ZFPM2: variants seen among roughly 807,000 people sequenced by gnomAD.
The protein encoded by ZFPM2 is zinc finger protein, FOG family member 2.
In ZFPM2, 20 loss-of-function variants were observed where a neutral mutation model predicts 98.6. The observed-to-expected ratio is 0.20, with a 90% CI of 0.14 to 0.29. The LOEUF (loss-of-function observed/expected upper bound fraction) is 0.29. ZFPM2 is among the 10% of genes least tolerant of loss of function. The pLI, the probability that ZFPM2 is intolerant of heterozygous loss-of-function variation, is 1.00. For synonymous variants in ZFPM2, 518 were observed against 502.7 expected, an observed-to-expected ratio of 1.03 and a Z score of -0.41; for missense variants, 1,310 against 1,388.6, an observed-to-expected ratio of 0.94 and a Z score of 0.90.
At position 105,746,587 on chromosome 8, in the gene ZFPM2, T is replaced by TA. The variant is rs1273986634; in HGVS notation, c.533-42130dup. ...CAATAATCTGTATTTTCTTAGCAGA[T>TA]ATGTGCAAAAGAAATGTAACTATGG... On this transcript the variant is annotated intron_variant, in intron 5 of 7. Transcript: ENST00000407775. Among the ~76,000 whole-genome samples, 3 of 151,804 alleles carry TA rather than the reference T, an allele frequency of 2.0e-5. No individual in the cohort carries two copies. The East Asian group carries it at 5.8e-4, about 29-fold the overall frequency.
At chr8:105,749,398 T>C (rs1241556394) in intron 5 of ZFPM2, among the ~76,000 whole-genome samples, 1 of 152,078 alleles carries the variant, frequency 6.6e-6, no homozygotes, top group East Asian at 1.9e-4. Context: ...ATAGTTTCCC[T>C]TTATCAAACA....
At chr8:105,688,477 A>T (rs1810796855) in intron 5 of ZFPM2, among the ~76,000 whole-genome samples, 1 of 152,172 alleles carries the variant, frequency 6.6e-6, no homozygotes, top group Admixed American at 6.5e-5. Flanking sequence ...TATGGAATAT[A>T]TAAACATGTA....
At chr8:105,466,504 A>C (rs1257245284) in intron 3 of ZFPM2, among the ~76,000 whole-genome samples, 2 of 152,016 alleles carry the variant, frequency 1.3e-5, no homozygotes, top group South Asian at 2.1e-4. Flanking sequence ...CAACTGAATA[A>C]TTTGGTTATT....
In ZFPM2 at chr8:105,731,298, T is replaced by C. The variant is rs553709770; in HGVS notation, c.533-57420T>C. On this transcript the variant is annotated intron_variant, in intron 5 of 7. Transcript: ENST00000407775. Reference sequence around the variant, plus strand: ...CATGCCAAATCCTGCTTGGATTTCCTTGTACCATACTATACAGTTTCCTCT... The same window carrying C: ...CATGCCAAATCCTGCTTGGATTTCCCTGTACCATACTATACAGTTTCCTCT... 2.6e-5 allele frequency among the ~76,000 whole-genome samples: 4 copies of C among 151,626 alleles called. No individual in the cohort carries two copies. The South Asian group carries it at 8.3e-4, about 32-fold the overall frequency.
intron 5 of ZFPM2, among the ~76,000 whole-genome samples, chr8:105,639,663 G>A (rs1299313615): frequency 6.6e-6 from 1 of 152,156 alleles, no homozygotes; most frequent in African/African-American, 2.4e-5. Flanking sequence ...GATTGCAGAG[G>A]TTATGATCAA....
intron 3 of ZFPM2, among the ~76,000 whole-genome samples, chr8:105,478,773 C>T (rs1813059624): frequency 6.6e-6 from 1 of 152,176 alleles, no homozygotes; most frequent in African/African-American, 2.4e-5. Context: ...TGCTGACCAC[C>T]AGCTTGGGCG....
intron 5 of ZFPM2, among the ~76,000 whole-genome samples, chr8:105,666,629 A>G (rs1371254166): frequency 6.6e-6 from 1 of 152,176 alleles, no homozygotes; most frequent in African/African-American, 2.4e-5. Flanking sequence ...TTTCTAGAAA[A>G]CCATAGGGTG....
chr8:105,697,653 C>T (rs137904803), intron 5 of ZFPM2, among the ~76,000 whole-genome samples: 5 of 152,086 alleles, frequency 3.3e-5, no homozygotes, highest in Admixed American at 1.3e-4. Context: ...GAAATTTTCA[C>T]GGAATCCTAA....
intron 1 of ZFPM2, among the ~76,000 whole-genome samples, chr8:105,398,065 T>C (rs1811258863): frequency 6.6e-6 from 1 of 152,074 alleles, no homozygotes; most frequent in Non-Finnish European, 1.5e-5. Flanking sequence ...AAAAAAATTA[T>C]AACAAAAAAA....
chr8:105,604,003 A>G (rs1816146014), intron 4 of ZFPM2, among the ~76,000 whole-genome samples: 1 of 151,932 alleles, frequency 6.6e-6, no homozygotes, highest in Admixed American at 6.6e-5. Flanking sequence ...TTTAACTTCC[A>G]TGTTAAAGCC....
Position 105,552,024 on chromosome 8 carries a change from G to A in ZFPM2, c.302-9339G>A, listed in dbSNP as rs115215749. On this transcript the variant is annotated intron_variant, in intron 3 of 7. Transcript: ENST00000407775. ...AAAGCAGGCAGTTTTAACAGACTAC[G>A]TGTTGACTAAATAAATAAATAAATG... Among the ~76,000 whole-genome samples the A allele has an allele frequency of 5.5e-3, 839 of 152,264 alleles. 12 individuals are homozygous for A. Among genetic ancestry groups the A allele is most frequent in the African/African-American group, 0.019 (807 of 41,556 alleles).
intron 5 of ZFPM2, among the ~76,000 whole-genome samples, chr8:105,662,059 C>T (rs1160322067): frequency 4.0e-5 from 6 of 151,860 alleles, no homozygotes; most frequent in Non-Finnish European, 8.8e-5. Flanking sequence ...GGCGATAAGG[C>T]GAATCCAGCA....
chr8:105,706,791 G>T (rs1451116565), intron 5 of ZFPM2, among the ~76,000 whole-genome samples: 4 of 152,012 alleles, frequency 2.6e-5, no homozygotes, highest in African/African-American at 9.7e-5. Context: ...TGTTGGCCAG[G>T]CTGATCTTGA....
chr8:105,370,190 AG>A (rs1366572329), intron 1 of ZFPM2, among the ~76,000 whole-genome samples: 1 of 152,124 alleles, frequency 6.6e-6, no homozygotes, highest in African/African-American at 2.4e-5. Flanking sequence ...TCATTGGGTG[AG>A]GGGGTAAGAA....
At chr8:105,549,057 G>C (rs1386258952) in intron 3 of ZFPM2, among the ~76,000 whole-genome samples, 2 of 152,088 alleles carry the variant, frequency 1.3e-5, no homozygotes, top group Non-Finnish European at 2.9e-5. Flanking sequence ...CCTCAAATAA[G>C]CATATGTAAG....
In ZFPM2 at chr8:105,658,970, G is replaced by C. The variant is rs117538165; in HGVS notation, c.532+24613G>C. ...CAAGAGGTAAAACAATTATTTAAAG[G>C]AGAAATAATGGGTAACAGTAACCAG... On this transcript the variant is annotated intron_variant, in intron 5 of 7. Transcript: ENST00000407775. Among the ~76,000 whole-genome samples, 13 of 152,248 alleles carry C rather than the reference G, an allele frequency of 8.5e-5. No homozygotes were observed. In the East Asian group the frequency reaches 2.1e-3, roughly 25 times the overall value.
chr8:105,521,997 A>G (rs983727539), intron 3 of ZFPM2, among the ~76,000 whole-genome samples: 1 of 152,252 alleles, frequency 6.6e-6, no homozygotes, highest in African/African-American at 2.4e-5. Context: ...AAAAAAAGAC[A>G]AATGAAAGAG....
chr8:105,802,304 T>G lies in ZFPM2; in HGVS notation c.2222T>G (p.Met741Arg). ...ATGCGCACACGCAAGCGCAGAAAGA[T>G]GTATGAGATGTGCCTACCTGAGCAG... The part of the protein sequence containing the change: ...RTMRTRKRRK[M>R]YEMCLPEQEQ... Residue 741 changes from methionine to arginine, a missense_variant, in exon 8 of 8, where the codon ATG (methionine) becomes AGG (arginine). Physicochemically the swap from Met to Arg is moderately conservative, Grantham distance 91. Coordinates refer to ENST00000407775, the MANE Select transcript of ZFPM2 (RefSeq NM_012082.4). The G allele has an allele frequency of 6.2e-7, 1 of 1,613,748 alleles. No individual in the cohort carries two copies. Among genetic ancestry groups the G allele is most frequent in the Non-Finnish European group, 8.5e-7 (1 of 1,179,802 alleles).
chr8:105,380,280 T>C (rs1022759529), intron 1 of ZFPM2, among the ~76,000 whole-genome samples: 67 of 152,070 alleles, frequency 4.4e-4, no homozygotes, highest in African/African-American at 1.4e-3. Context: ...ACAATATAAG[T>C]AAAGTGGAGT....
Sources: allele counts gnomAD v4.1 joint callset (sites outside exome capture counted in the v4.1 genomes callset), GRCh38; gene constraint gnomAD v4.1.1; transcripts MANE v1.5; gene names NCBI Gene and HGNC (gene_info 2026-07-23, HGNC 2026-07-21).